STAMBP: variants seen among roughly 807,000 people sequenced by gnomAD.
STAMBP encodes the protein STAM-binding protein.
Under a neutral mutation model 50.7 loss-of-function variants are expected in STAMBP, and 31 were observed. That is an observed-to-expected ratio of 0.61 (90% CI 0.46 to 0.83). The LOEUF is 0.83. Ranked by LOEUF, STAMBP falls within the 40% of genes least tolerant of loss-of-function variation. STAMBP has a pLI of 0.00. For synonymous variants in STAMBP, 211 were observed against 192.4 expected (o/e 1.10, Z -0.80); for missense variants, 472 against 518.9 (o/e 0.91, Z 0.88).
chr2:73,853,310 G>T (rs958312971), intron 7 of STAMBP, among the ~76,000 whole-genome samples: 5 of 152,214 alleles, frequency 3.3e-5, no homozygotes, highest in Non-Finnish European at 5.9e-5. Context: ...ACATGGAATG[G>T]TGGTTTAAGG....
At chr2:73,832,114 T>C (rs895277027) in intron 2 of STAMBP, among the ~76,000 whole-genome samples, 7 of 138,992 alleles carry the variant, frequency 5.0e-5, no homozygotes, top group South Asian at 2.2e-4. Flanking sequence ...TATATACACA[T>C]ATATATGGTG....
intron 7 of STAMBP, among the ~76,000 whole-genome samples, chr2:73,856,637 C>T (rs1677582636): frequency 6.6e-6 from 1 of 152,200 alleles, no homozygotes; most frequent in African/African-American, 2.4e-5. Flanking sequence ...CATGGATGCC[C>T]ATCATGACAA....
At position 73,862,284 on chromosome 2, in the gene STAMBP, G is replaced by C. The variant is rs1435021129; in HGVS notation, c.*25G>C. Reference sequence around the variant, plus strand: ...AGCGTTTGAGTCCAACACCTTCCAAGAACAACAAAACCATATCAGTGTACT... The same window carrying C: ...AGCGTTTGAGTCCAACACCTTCCAACAACAACAAAACCATATCAGTGTACT... On this transcript the variant is annotated 3_prime_UTR_variant, in exon 10 of 10. Transcript: ENST00000394070. The C allele has an allele frequency of 6.2e-7, 1 of 1,603,552 alleles. No homozygotes were observed. Among genetic ancestry groups the C allele is most frequent in the Non-Finnish European group, 8.5e-7 (1 of 1,175,834 alleles).
chr2:73,846,568 A>C (rs1676087578), intron 4 of STAMBP, among the ~76,000 whole-genome samples: 1 of 151,868 alleles, frequency 6.6e-6, no homozygotes, highest in African/African-American at 2.4e-5. Flanking sequence ...TTGAGGCTGC[A>C]GTGAGCCATG....
chr2:73,862,070 G>A lies in STAMBP; in HGVS notation c.1219-133G>A, dbSNP rs369688650. On this transcript the variant is annotated intron_variant, in intron 9 of 9. Coordinates refer to ENST00000394070, the MANE Select transcript of STAMBP (RefSeq NM_213622.4). The stretch of plus-strand genomic sequence containing the variant: ...AAGAATCGCTTGAACCCAGGAGGCG[G>A]GGGTTGCAGTGAGCCGAGATCGTGC... The A allele has an allele frequency of 1.3e-4, 67 of 525,920 alleles. No individual in the cohort carries two copies. The African/African-American group carries it at 1.3e-3, about 10-fold the overall frequency. 32.6% of individuals were successfully genotyped at this position (525,920 alleles called of 1,614,324 possible). A position where few individuals can be genotyped will look rare whatever the true frequency, so the allele number is the denominator to read the frequency against.
chr2:73,871,409 G>T (rs773297164), downstream of STAMBP, among the ~76,000 whole-genome samples: 3 of 151,876 alleles, frequency 2.0e-5, no homozygotes, highest in Non-Finnish European at 4.4e-5. Flanking sequence ...TTAGCCAGGC[G>T]TGGTGGTGGG....
intron 2 of STAMBP, among the ~76,000 whole-genome samples, chr2:73,831,531 C>T (rs985405004): frequency 6.6e-6 from 1 of 152,132 alleles, no homozygotes; most frequent in Non-Finnish European, 1.5e-5. Flanking sequence ...TAACTGCCTA[C>T]AGTTTGTGTG....
chr2:73,851,733 G>C (rs988863123), intron 7 of STAMBP, among the ~76,000 whole-genome samples: 6 of 150,512 alleles, frequency 4.0e-5, no homozygotes, highest in African/African-American at 1.5e-4. Context: ...TCCACCTCCC[G>C]GATTCAAGCG....
chr2:73,849,051 A>C (rs1341974260), intron 5 of STAMBP, among the ~76,000 whole-genome samples: 4 of 152,178 alleles, frequency 2.6e-5, no homozygotes, highest in Non-Finnish European at 5.9e-5. Flanking sequence ...CAAACAATCC[A>C]ATTACATTCT....
chr2:73,852,917 G>GCT (rs1553383835), intron 7 of STAMBP, among the ~76,000 whole-genome samples: 1 of 122,770 alleles, frequency 8.1e-6, no homozygotes, highest in African/African-American at 3.0e-5. Context: ...ATGTTGGCCA[G>GCT]GTGTGTGTGT....
At chr2:73,839,049 G>A (rs1001092365) in intron 2 of STAMBP, among the ~76,000 whole-genome samples, 2 of 152,186 alleles carry the variant, frequency 1.3e-5, no homozygotes, top group African/African-American at 4.8e-5. Context: ...AAAGAGAGGG[G>A]AGTATACATC....
At chr2:73,869,026 C>T (rs1350908274), downstream of STAMBP, among the ~76,000 whole-genome samples, 1 of 152,156 alleles carries the variant, frequency 6.6e-6, no homozygotes, top group East Asian at 1.9e-4. Flanking sequence ...GAACAGTGTC[C>T]TGAAAGGATA....
Position 73,864,205 on chromosome 2 carries a change from T to C in STAMBP, c.*1946T>C, listed in dbSNP as rs1360282494. The C allele has an allele frequency of 2.0e-5, 3 of 152,200 alleles. No homozygotes were observed. The highest frequency in any genetic ancestry group is 4.4e-5 in the Non-Finnish European group (3 of 68,026). The allele number at this position is 152,200 out of a possible 1,614,324, so 9.4% of individuals were successfully genotyped here. On this transcript the variant is annotated 3_prime_UTR_variant, in exon 10 of 10. Transcript: ENST00000394070. The stretch of plus-strand genomic sequence containing the variant: ...TGACAACCACTGCATTGGTCTTTGA[T>C]ACCTAAGAATTGTGAGCTCTCTTAT...
In STAMBP at chr2:73,859,373, A is replaced by G. The variant is rs1306373349; in HGVS notation, c.1118+7A>G. Reference sequence around the variant, plus strand: ...GCTCCCCCAAGTTCCAGGAGTGAGTATAGAGGGCATGGTTCTGGGTGTTTC... The same window carrying G: ...GCTCCCCCAAGTTCCAGGAGTGAGTGTAGAGGGCATGGTTCTGGGTGTTTC... On this transcript the variant is annotated splice_region_variant and intron_variant, in intron 8 of 9. Coordinates refer to ENST00000394070, the MANE Select transcript of STAMBP (RefSeq NM_213622.4). 1 of 1,608,968 alleles carries G rather than the reference A, an allele frequency of 6.2e-7. No individual in the cohort carries two copies.
In STAMBP at chr2:73,863,057, A is replaced by G. The variant is rs1236340511; in HGVS notation, c.*798A>G. 5.3e-5 allele frequency: 8 copies of G among 152,160 alleles called. No homozygotes were observed. The highest frequency in any genetic ancestry group is 3.9e-4 in the Admixed American group (6 of 15,270). The allele number at this position is 152,160 out of a possible 1,614,324, so 9.4% of individuals were successfully genotyped here. ...CCTTGTTTTTTATCTGCCTGTTGCC[A>G]TCTTCCAGAGGTGTTGTGAAGTCAT... On this transcript the variant is annotated 3_prime_UTR_variant, in exon 10 of 10. Transcript: ENST00000394070.
At chr2:73,854,009 T>C (rs977187815) in intron 7 of STAMBP, among the ~76,000 whole-genome samples, 1 of 152,220 alleles carries the variant, frequency 6.6e-6, no homozygotes, top group Non-Finnish European at 1.5e-5. Context: ...TCCACATTCT[T>C]GTGTGTAGTT....
intron 4 of STAMBP, among the ~76,000 whole-genome samples, chr2:73,845,956 C>G (rs1242356725): frequency 6.6e-6 from 1 of 152,138 alleles, no homozygotes; most frequent in African/African-American, 2.4e-5. Flanking sequence ...TCAAATGATT[C>G]TTTTTAGGAA....
At chr2:73,871,928 T>C (rs1050682038), downstream of STAMBP, among the ~76,000 whole-genome samples, 29 of 152,038 alleles carry the variant, frequency 1.9e-4, no homozygotes, top group Non-Finnish European at 2.5e-4. Context: ...CCACCATGCC[T>C]GGCTAATTTT....
At chr2:73,856,771 T>A (rs1677599807) in intron 7 of STAMBP, among the ~76,000 whole-genome samples, 1 of 152,196 alleles carries the variant, frequency 6.6e-6, no homozygotes, top group Admixed American at 6.5e-5. Flanking sequence ...CAACCCCCTC[T>A]TCTGTCTCCA....
Sources: allele counts gnomAD v4.1 joint callset (sites outside exome capture counted in the v4.1 genomes callset), GRCh38; gene constraint gnomAD v4.1.1; transcripts MANE v1.5; gene names NCBI Gene and HGNC (gene_info 2026-07-23, HGNC 2026-07-21).